Variants in SPTBN1 observed in about 807,000 individuals in gnomAD.
The protein encoded by SPTBN1 is spectrin beta, non-erythrocytic 1.
Under a neutral mutation model 266.4 loss-of-function variants are expected in SPTBN1, and 32 were observed. The observed-to-expected ratio is 0.12, with a 90% confidence interval of 0.09 to 0.16. The LOEUF is 0.16. Among genes scored for constraint, SPTBN1 ranks in the 10% least tolerant of loss-of-function variants. SPTBN1 has a pLI of 1.00. For missense variants in SPTBN1, 2,296 were observed against 3,067.1 expected (o/e 0.75, Z 5.94); for synonymous variants, 1,336 against 1,162.2 (o/e 1.15, Z -3.04).
intron 1 of SPTBN1, among the ~76,000 whole-genome samples, chr2:54,486,521 A>T (rs1425383359): frequency 6.6e-6 from 1 of 152,154 alleles, no homozygotes. Context: ...GCTTGAAGGC[A>T]GCATGCTCGT....
intron 1 of SPTBN1, among the ~76,000 whole-genome samples, chr2:54,504,264 T>G (rs1669435616): frequency 6.6e-6 from 1 of 152,228 alleles, no homozygotes; most frequent in African/African-American, 2.4e-5. Flanking sequence ...ATTCTGATGT[T>G]CTATGACTTT....
chr2:54,542,405 T>C (rs1421664967), intron 2 of SPTBN1, among the ~76,000 whole-genome samples: 1 of 152,272 alleles, frequency 6.6e-6, no homozygotes, highest in Non-Finnish European at 1.5e-5. Context: ...GCCTTTATCC[T>C]GTAGGCCAGT....
Position 54,631,455 on chromosome 2 carries a change from G to A in SPTBN1, c.3408G>A (p.Gln1136=), listed in dbSNP as rs768111165. The part of the protein sequence containing the change: ...EMVTQGQTDA[Q]YMFLRQRLQA... ...TCACCCAGGGGCAGACCGATGCCCAGTACATGTTTCTGCGGCAGCGGCTGC... is the reference window on the plus strand; with the variant it reads ...TCACCCAGGGGCAGACCGATGCCCAATACATGTTTCTGCGGCAGCGGCTGC... Residue 1136 remains glutamine, a synonymous_variant, in exon 16 of 36, where the codon CAG becomes CAA. Transcript: ENST00000356805. 4 of 1,614,280 alleles carry A rather than the reference G, an allele frequency of 2.5e-6. No homozygotes were observed. Among genetic ancestry groups the A allele is most frequent in the Admixed American group, 3.3e-5 (2 of 60,034 alleles).
chr2:54,637,981 G>C (rs1679266082), intron 18 of SPTBN1, among the ~76,000 whole-genome samples, 178 bp downstream of exon 18: 1 of 152,144 alleles, frequency 6.6e-6, no homozygotes, highest in Non-Finnish European at 1.5e-5. Flanking sequence ...ACAAGGTACA[G>C]CTTAATTAGA....
rs1386514703 is a variant in SPTBN1, at chr2:54,554,659, C to A, written c.148+28093C>A. Among the ~76,000 whole-genome samples, 1 of 152,218 alleles carries A rather than the reference C, an allele frequency of 6.6e-6. No individual in the cohort carries two copies. The highest frequency in any genetic ancestry group is 1.5e-5 in the Non-Finnish European group (1 of 68,040). ...AACATCAGAAACATGCTCAAGATTA[C>A]ATAGCTCCTTGGTACTCAGAAATTA... On this transcript the variant is annotated intron_variant, in intron 2 of 35. Transcript: ENST00000356805. This position sits in a 1 kb window ranked among gnomAD's most constrained non-coding sequence, Gnocchi z 4.5.
intron 1 of SPTBN1, among the ~76,000 whole-genome samples, chr2:54,493,765 C>A (rs940017571): frequency 6.6e-6 from 1 of 152,182 alleles, no homozygotes; most frequent in East Asian, 1.9e-4. Flanking sequence ...TAAGTGCCAA[C>A]ATAGATATTT....
At position 54,456,345 on chromosome 2, in the gene SPTBN1, C is replaced by G. The variant is rs1163666274; in HGVS notation, c.-221C>G. On this transcript the variant is annotated 5_prime_UTR_variant, in exon 1 of 36. Transcript: ENST00000356805. ...TTCCTCCAGTCCCTCCCTCGGCCGCCTCTCCTCCCGGAGCGAGCGCGCAGC... is the reference window on the plus strand; with the variant it reads ...TTCCTCCAGTCCCTCCCTCGGCCGCGTCTCCTCCCGGAGCGAGCGCGCAGC... The G allele has an allele frequency of 6.6e-6, 1 of 152,506 alleles. No individual in the cohort carries two copies. Among genetic ancestry groups the G allele is most frequent in the East Asian group, 1.9e-4 (1 of 5,148 alleles). The allele number at this position is 152,506 out of a possible 1,614,324, so 9.4% of individuals were successfully genotyped here.
intron 2 of SPTBN1, among the ~76,000 whole-genome samples, chr2:54,585,253 A>G (rs918633695): frequency 2.6e-5 from 4 of 152,212 alleles, no homozygotes; most frequent in African/African-American, 9.7e-5. Context: ...CCTATAATGC[A>G]AAATAGGTTT....
At chr2:54,621,849 T>C (rs1156635795) in intron 8 of SPTBN1, among the ~76,000 whole-genome samples, 2 of 152,186 alleles carry the variant, frequency 1.3e-5, no homozygotes, top group Non-Finnish European at 2.9e-5. Flanking sequence ...CATCGTGCTT[T>C]TTACTTCTCA....
At chr2:54,623,849 A>G (rs1245862782) in intron 10 of SPTBN1, among the ~76,000 whole-genome samples, 1 of 152,220 alleles carries the variant, frequency 6.6e-6, no homozygotes, top group East Asian at 1.9e-4. Context: ...ACACCTTGCT[A>G]CTCAGATACA....
At chr2:54,593,628 G>C (rs1675832785) in intron 2 of SPTBN1, among the ~76,000 whole-genome samples, 1 of 151,936 alleles carries the variant, frequency 6.6e-6, no homozygotes, top group South Asian at 2.1e-4. Flanking sequence ...GGAGAAGTGA[G>C]GAGACCTATT....
chr2:54,595,022 CAG>C (rs1296176499), intron 2 of SPTBN1, among the ~76,000 whole-genome samples: 2 of 152,078 alleles, frequency 1.3e-5, no homozygotes, highest in South Asian at 2.1e-4. Context: ...TTAGTAGAGA[CAG>C]AGTTTCACCA....
At chr2:54,631,759 T>C in intron 16 of SPTBN1, 148 bp downstream of exon 16, 1 of 1,094,094 alleles carries the variant, frequency 9.1e-7, no homozygotes, top group Middle Eastern at 2.9e-4. Flanking sequence ...CCCCATACTC[T>C]TAAGGCATTG....
At chr2:54,496,431 C>A (rs1191365381) in intron 1 of SPTBN1, among the ~76,000 whole-genome samples, 5 of 120,080 alleles carry the variant, frequency 4.2e-5, no homozygotes, top group Non-Finnish European at 3.3e-5. Context: ...GAGTGATACT[C>A]CGTGTCTTAA....
Position 54,466,885 on chromosome 2 carries a change from A to T in SPTBN1, c.-48+10367A>T, listed in dbSNP as rs529815361. Among the ~76,000 whole-genome samples, 53 of 152,332 alleles carry T rather than the reference A, an allele frequency of 3.5e-4. No homozygotes were observed. The South Asian group carries it at 0.011, about 30-fold the overall frequency. On this transcript the variant is annotated intron_variant, in intron 1 of 35. Transcript: ENST00000356805. The stretch of plus-strand genomic sequence containing the variant: ...CGGAAAAGCAGTATTAATAATGAAG[A>T]TATAAAGAACACTGAAATTTTTGAA...
At chr2:54,494,892 A>C (rs866477373) in intron 1 of SPTBN1, among the ~76,000 whole-genome samples, 1 of 146,894 alleles carries the variant, frequency 6.8e-6, no homozygotes, top group Non-Finnish European at 1.5e-5. Context: ...TATATCAGTT[A>C]TACCTGAATA....
intron 1 of SPTBN1, among the ~76,000 whole-genome samples, chr2:54,488,235 C>T (rs529679493): frequency 1.6e-4 from 25 of 152,070 alleles, no homozygotes; most frequent in Non-Finnish European, 3.4e-4. Flanking sequence ...ACCCACTGGC[C>T]TTACCGTCAT....
chr2:54,458,885 A>G (rs934360088), intron 1 of SPTBN1, among the ~76,000 whole-genome samples: 3 of 152,178 alleles, frequency 2.0e-5, no homozygotes, highest in Admixed American at 6.5e-5. Flanking sequence ...AATGAATCCA[A>G]GTTAGTTGCT....
intron 31 of SPTBN1, among the ~76,000 whole-genome samples, chr2:54,659,604 G>A (rs56115900): frequency 0.027 from 4,086 of 151,860 alleles, 207 homozygotes; most frequent in African/African-American, 0.094. Flanking sequence ...GTGGTGATGC[G>A]TTTTTTGAGA....
Sources: gnomAD v4.1 joint callset for allele counts (sites outside exome capture counted in the v4.1 genomes callset) on GRCh38, gnomAD v4.1.1 for gene constraint, Gnocchi (gnomAD v3.1) non-coding constraint, MANE v1.5 for transcripts, NCBI Gene and HGNC (gene_info 2026-07-23, HGNC 2026-07-21) for gene names.